The following APP variants were observed in gnomAD, a reference collection of about 807,000 sequenced individuals.
APP encodes amyloid beta precursor protein.
A neutral mutation model predicts 101.4 loss-of-function variants in APP; 31 were observed. That is an observed-to-expected ratio of 0.31 (90% CI 0.23 to 0.41). The LOEUF (loss-of-function observed/expected upper bound fraction) is 0.41. Among genes scored for constraint, APP ranks in the 10% least tolerant of loss-of-function variants. The pLI is 1.00. For missense variants in APP, 839 were observed against 1,003.7 expected, an observed-to-expected ratio of 0.84 and a Z score of 2.22; for synonymous variants, 366 against 364.4, an observed-to-expected ratio of 1.00 and a Z score of -0.05.
intron 8 of APP, among the ~76,000 whole-genome samples, chr21:25,991,777 G>A (rs1347352810): frequency 1.3e-5 from 2 of 152,178 alleles, no homozygotes; most frequent in Non-Finnish European, 2.9e-5. Context: ...GCATAGTTAA[G>A]TAGTTATGAC....
At position 25,881,888 on chromosome 21, in the gene APP, C is replaced by A. The variant is rs1410045579; in HGVS notation, c.2212-117G>T. The A allele has an allele frequency of 2.9e-6, 3 of 1,018,280 alleles. No individual in the cohort carries two copies. The East Asian group carries it at 7.8e-5, about 26-fold the overall frequency. 63.1% of individuals were successfully genotyped at this position (1,018,280 alleles called of 1,614,324 possible). ...CTCTTCTTTTGCCAAGATTGCAGAA[C>A]ACCCATAATTTTCTCCCCCACTTTG... On this transcript the variant is annotated intron_variant, in intron 17 of 17. Transcript: ENST00000346798.
At chr21:26,144,147 G>T (rs1335798871) in intron 1 of APP, among the ~76,000 whole-genome samples, 1 of 152,104 alleles carries the variant, frequency 6.6e-6, no homozygotes, top group Non-Finnish European at 1.5e-5. Context: ...GTTCTCGTGA[G>T]AACTAACTCA....
chr21:26,030,378 G>A (rs2044767236), intron 5 of APP, among the ~76,000 whole-genome samples: 1 of 152,158 alleles, frequency 6.6e-6, no homozygotes, highest in Admixed American at 6.5e-5. Flanking sequence ...AAAAATTTAT[G>A]TTAATTTTGT....
intron 1 of APP, among the ~76,000 whole-genome samples, chr21:26,123,014 GTATAT>G (rs1454852498): frequency 6.6e-6 from 1 of 152,092 alleles, no homozygotes; most frequent in Non-Finnish European, 1.5e-5. Context: ...TTATAAATAA[GTATAT>G]TATATAAGAA....
chr21:25,887,447 A>G (rs933080673), intron 17 of APP, among the ~76,000 whole-genome samples: 2 of 149,014 alleles, frequency 1.3e-5, no homozygotes, highest in African/African-American at 4.9e-5. Context: ...AGCGTGGCCA[A>G]TGGCTCACAG....
intron 3 of APP, among the ~76,000 whole-genome samples, chr21:26,061,180 G>C (rs573058126): frequency 1.3e-5 from 2 of 152,216 alleles, no homozygotes; most frequent in East Asian, 1.9e-4. Context: ...CAAATAGAAA[G>C]GAGTCAAGAA....
At position 25,997,369 on chromosome 21, in the gene APP, G is replaced by A; in HGVS notation, c.1081C>T (p.Pro361Ser). The A allele has an allele frequency of 4.3e-6, 7 of 1,613,868 alleles. No individual in the cohort carries two copies. The highest frequency in any genetic ancestry group is 5.9e-6 in the Non-Finnish European group (7 of 1,179,768). Residue 361 changes from proline to serine, a missense_variant, in exon 8 of 18, where the codon CCT (proline) becomes TCT (serine). By Grantham distance (74) the Pro-to-Ser change is moderately conservative. Coordinates refer to ENST00000346798, the MANE Select transcript of APP (RefSeq NM_000484.4). The stretch of plus-strand genomic sequence containing the variant: ...GTGAATGACAACGTACGTTTAACAG[G>A]ATCTCGGGCAAGAGGTTCCTGGGTA... ...KTTQEPLARD[P>S]VKLPTTAAST...
intron 1 of APP, chr21:26,158,302 A>T (rs2063415811): frequency 6.6e-6 from 1 of 152,258 alleles, no homozygotes; most frequent in Non-Finnish European, 1.5e-5. Context: ...CTAATCGCTC[A>T]CGGAGAATCT....
chr21:25,980,022 G>T (rs2042368618), intron 9 of APP, among the ~76,000 whole-genome samples: 1 of 152,216 alleles, frequency 6.6e-6, no homozygotes, highest in Admixed American at 6.5e-5. Context: ...GTAAGGAATG[G>T]GTGAGATGTG....
intron 5 of APP, 145 bp from the exon 6 acceptor site, chr21:26,022,187 G>C: frequency 9.9e-7 from 1 of 1,013,072 alleles, no homozygotes; most frequent in Non-Finnish European, 1.5e-6. Flanking sequence ...ATAAATCCCA[G>C]CTCAGTGGGT....
intron 1 of APP, among the ~76,000 whole-genome samples, chr21:26,149,623 C>G (rs539307356): frequency 6.6e-6 from 1 of 152,264 alleles, no homozygotes; most frequent in South Asian, 2.1e-4. Context: ...AATAATTCTC[C>G]CTGTCTTAAA....
chr21:25,892,001 T>A, intron 16 of APP, 133 bp from the exon 17 acceptor site: 1 of 875,502 alleles, frequency 1.1e-6, no homozygotes, highest in Non-Finnish European at 1.8e-6. Context: ...AAAGTTTCAG[T>A]ATATTCTCTG....
At chr21:26,123,711 A>G (rs2062622371) in intron 1 of APP, among the ~76,000 whole-genome samples, 1 of 152,192 alleles carries the variant, frequency 6.6e-6, no homozygotes, top group African/African-American at 2.4e-5. Context: ...TTTCTTGACT[A>G]TATTTATAAA....
chr21:25,913,809 C>T (rs1042561103), intron 13 of APP, among the ~76,000 whole-genome samples: 2 of 152,020 alleles, frequency 1.3e-5, no homozygotes, highest in Non-Finnish European at 2.9e-5. Flanking sequence ...TTTCTCCTCT[C>T]TTCATCCCTG....
intron 16 of APP, among the ~76,000 whole-genome samples, chr21:25,895,985 T>C (rs923120409): frequency 6.6e-6 from 1 of 152,348 alleles, no homozygotes; most frequent in East Asian, 1.9e-4. Flanking sequence ...TGTCGCATTA[T>C]AGGCGTTAGT....
chr21:26,019,241 T>G (rs1568864427), intron 6 of APP, among the ~76,000 whole-genome samples: 1 of 152,242 alleles, frequency 6.6e-6, no homozygotes, highest in Non-Finnish European at 1.5e-5. Flanking sequence ...AGCCTGGCAT[T>G]GAAGGTCTCT....
chr21:26,130,687 C>T (rs1014221135), intron 1 of APP, among the ~76,000 whole-genome samples: 45 of 152,340 alleles, frequency 3.0e-4, no homozygotes, highest in Non-Finnish European at 1.5e-4. Context: ...GCTAAGCTTA[C>T]GCTAAGGGCA....
chr21:26,089,232 A>T (rs138146072), intron 3 of APP, among the ~76,000 whole-genome samples: 2 of 152,348 alleles, frequency 1.3e-5, no homozygotes, highest in African/African-American at 4.8e-5. Context: ...GACTGGTCAC[A>T]TAAAAACAAC....
intron 10 of APP, 117 bp from the exon 11 acceptor site, chr21:25,975,345 A>G (rs1261175223): frequency 7.5e-7 from 1 of 1,333,834 alleles, no homozygotes; most frequent in African/African-American, 1.4e-5. Flanking sequence ...AAAGTATCCT[A>G]AAGACTGCAT....
Sources: allele counts gnomAD v4.1 joint callset (sites outside exome capture counted in the v4.1 genomes callset), GRCh38; gene constraint gnomAD v4.1.1; transcripts MANE v1.5; gene names NCBI Gene and HGNC (gene_info 2026-07-23, HGNC 2026-07-21).